Variants in CHEK2 observed in about 807,000 individuals in gnomAD.
CHEK2 encodes the protein serine/threonine-protein kinase Chk2.
CHEK2 carries 71 observed loss-of-function variants against 69.1 expected under a neutral mutation model. That is an observed-to-expected ratio of 1.03 (90% confidence interval 0.85 to 1.25). CHEK2 has a LOEUF of 1.25. CHEK2 is among the 50% of genes most tolerant of loss of function. The probability of loss-of-function intolerance (pLI) is 0.00; values close to 1 mark genes in which losing one functional copy is unlikely to be tolerated. For missense variants in CHEK2, 664 were observed against 649.6 expected, an observed-to-expected ratio of 1.02 and a Z score of -0.24; for synonymous variants, 189 against 226.9, an observed-to-expected ratio of 0.83 and a Z score of 1.50.
At chr22:28,736,728 C>T (rs1221266897) in intron 1 of CHEK2, among the ~76,000 whole-genome samples, 1 of 152,108 alleles carries the variant, frequency 6.6e-6, no homozygotes, top group Non-Finnish European at 1.5e-5. Context: ...CCACTTGAGG[C>T]CACGAGTTCA....
rs2052460717 is a variant in CHEK2 at position 28,693,940 on chromosome 22, A to G, written c.1461+92T>C. The G allele has an allele frequency of 1.2e-5, 10 of 842,996 alleles. 1 individual carries two copies. In the South Asian group the frequency reaches 1.3e-4, roughly 11 times the overall value. 52.2% of individuals were successfully genotyped at this position (842,996 alleles called of 1,614,324 possible). A position where few individuals can be genotyped will look rare whatever the true frequency, so the allele number is the denominator to read the frequency against. ...AAAACAATTAGATTAAACACTCAACAAAGTAAACATGTTTCTGTCCTCTGT... is the reference window on the plus strand; with the variant it reads ...AAAACAATTAGATTAAACACTCAACGAAGTAAACATGTTTCTGTCCTCTGT... On this transcript the variant is annotated intron_variant, in intron 13 of 14. Coordinates refer to ENST00000404276, the MANE Select transcript of CHEK2 (RefSeq NM_007194.4).
At position 28,734,551 on chromosome 22, in the gene CHEK2, A is replaced by G. The variant is rs1555932401; in HGVS notation, c.171T>C (p.Ser57=). 1.2e-6 allele frequency: 2 copies of G among 1,614,024 alleles called. No homozygotes were observed. The highest frequency in any genetic ancestry group is 1.7e-6 in the Non-Finnish European group (2 of 1,180,002). ...CTGTCTCTAAGGAGCTCAGTGTCCC[A>G]GAGCTGGAGTGAGAGGACTGGCTGG... ...PNSSQSSHSS[S]GTLSSLETVS... Residue 57 remains serine, a synonymous_variant, in exon 2 of 15, where the codon TCT becomes TCC. Coordinates refer to ENST00000404276, the MANE Select transcript of CHEK2 (RefSeq NM_007194.4).
At chr22:28,716,652 G>C (rs567982940) in intron 5 of CHEK2, among the ~76,000 whole-genome samples, 1 of 152,318 alleles carries the variant, frequency 6.6e-6, no homozygotes, top group South Asian at 2.1e-4. Context: ...GAATATGGAT[G>C]ATTATTTCCT....
At chr22:28,719,600 C>A (rs530250133) in intron 4 of CHEK2, 115 bp from the exon 5 acceptor site, 3 of 659,116 alleles carry the variant, frequency 4.6e-6, no homozygotes, top group South Asian at 1.8e-5. Context: ...CTACATTTAA[C>A]ATGTAACCTT....
intron 7 of CHEK2, among the ~76,000 whole-genome samples, chr22:28,708,123 G>A (rs1369376216): frequency 6.6e-6 from 1 of 152,118 alleles, no homozygotes; most frequent in East Asian, 1.9e-4. Flanking sequence ...ACAGGCGTGA[G>A]CCACCGCGCC....
At chr22:28,728,990 G>C (rs1056306755) in intron 2 of CHEK2, among the ~76,000 whole-genome samples, 4 of 151,592 alleles carry the variant, frequency 2.6e-5, no homozygotes, top group African/African-American at 9.7e-5. Context: ...AAAGAAAAAA[G>C]AAACACACGG....
At chr22:28,724,926 A>C in intron 4 of CHEK2, 51 bp downstream of exon 4, 1 of 1,590,720 alleles carries the variant, frequency 6.3e-7, no homozygotes, top group Non-Finnish European at 8.6e-7. Flanking sequence ...TTTTCCTCCT[A>C]TGAGAGAGTG....
At chr22:28,727,906 TG>T (rs1274788309) in intron 2 of CHEK2, 1 of 152,198 alleles carries the variant, frequency 6.6e-6, no homozygotes, top group Non-Finnish European at 1.5e-5. Flanking sequence ...ACATTGCCAT[TG>T]GGAATATAAT....
Position 28,723,272 on chromosome 22 carries a change from G to T in CHEK2, c.592+1705C>A, listed in dbSNP as rs532061616. Among the ~76,000 whole-genome samples the T allele has an allele frequency of 2.4e-4, 37 of 152,146 alleles. No homozygotes were observed. Among genetic ancestry groups the T allele is most frequent in the Non-Finnish European group, 4.1e-4 (28 of 68,034 alleles). On this transcript the variant is annotated intron_variant, in intron 4 of 14. Transcript: ENST00000404276. ...GAAGCTCTAAAGTGAGCCTCTTACA[G>T]AAGCACTCACAGCCTAGTACCTGGC...
chr22:28,706,646 C>T (rs2053155454), intron 7 of CHEK2, among the ~76,000 whole-genome samples: 1 of 152,064 alleles, frequency 6.6e-6, no homozygotes, highest in Non-Finnish European at 1.5e-5. Context: ...AAGCCAGGAG[C>T]AGTGGCTCAC....
rs138300940 is a variant in CHEK2 at position 28,708,990 on chromosome 22, C to G, written c.846+1016G>C. Reference sequence around the variant, plus strand: ...AAAAAAAAAACAAACAAAAAAAATGCCAGAATAAGATCATCATTAGCTGGA... The same window carrying G: ...AAAAAAAAAACAAACAAAAAAAATGGCAGAATAAGATCATCATTAGCTGGA... On this transcript the variant is annotated intron_variant, in intron 7 of 14. Transcript: ENST00000404276. 8.6e-4 allele frequency: 357 copies of G among 415,966 alleles called. 2 individuals are homozygous for G. The highest frequency in any genetic ancestry group is 7.3e-3 in the African/African-American group (339 of 46,426). 25.8% of individuals were successfully genotyped at this position (415,966 alleles called of 1,614,324 possible). A position where few individuals can be genotyped will look rare whatever the true frequency, so the allele number is the denominator to read the frequency against.
intron 1 of CHEK2, chr22:28,737,400 T>C (rs2054443755): frequency 2.5e-6 from 1 of 397,460 alleles, no homozygotes; most frequent in Non-Finnish European, 5.1e-6. Context: ...TTTGGGGCCA[T>C]TATTAAATAT....
At chr22:28,735,443 A>G (rs990617418) in intron 1 of CHEK2, among the ~76,000 whole-genome samples, 1 of 151,952 alleles carries the variant, frequency 6.6e-6, no homozygotes, top group Non-Finnish European at 1.5e-5. Flanking sequence ...TCAATTTAAC[A>G]ATGCTTCTAT....
chr22:28,736,709 G>A (rs970583761), intron 1 of CHEK2, among the ~76,000 whole-genome samples: 1 of 152,136 alleles, frequency 6.6e-6, no homozygotes, highest in Non-Finnish European at 1.5e-5. Context: ...GGAGGCCAAG[G>A]CAAGAGGACC....
At chr22:28,738,947 A>T (rs747903649) in intron 1 of CHEK2, among the ~76,000 whole-genome samples, 3 of 152,354 alleles carry the variant, frequency 2.0e-5, no homozygotes, top group African/African-American at 4.8e-5. Context: ...GATGAAACTC[A>T]ACTGCAGAAA....
chr22:28,730,304 G>GGGAAA (rs1221303494), intron 2 of CHEK2: 2 of 432,806 alleles, frequency 4.6e-6, no homozygotes, highest in African/African-American at 4.2e-5. Context: ...GAAAGCGGAA[G>GGGAAA]GGAAAGGAAA....
At chr22:28,732,792 G>C (rs2054257934) in intron 2 of CHEK2, among the ~76,000 whole-genome samples, 1 of 151,942 alleles carries the variant, frequency 6.6e-6, no homozygotes, top group Non-Finnish European at 1.5e-5. Context: ...TATTAAAGAG[G>C]TCATTGCAAT....
At chr22:28,703,993 A>C (rs2053002823) in intron 7 of CHEK2, among the ~76,000 whole-genome samples, 1 of 152,150 alleles carries the variant, frequency 6.6e-6, no homozygotes, top group South Asian at 2.1e-4. Context: ...AGCTCTGGGC[A>C]ACTGGAACCT....
chr22:28,708,003 AT>A (rs572802170), intron 7 of CHEK2, among the ~76,000 whole-genome samples: 1 of 150,208 alleles, frequency 6.7e-6, no homozygotes. Flanking sequence ...CGCCCGGCTA[AT>A]TTTTTTTTGT....
Sources: gnomAD v4.1 joint callset for allele counts (sites outside exome capture counted in the v4.1 genomes callset) on GRCh38, gnomAD v4.1.1 for gene constraint, MANE v1.5 for transcripts, NCBI Gene and HGNC (gene_info 2026-07-23, HGNC 2026-07-21) for gene names.